Variants in DDX25 observed in about 807,000 individuals in gnomAD.
The protein encoded by DDX25 is ATP-dependent RNA helicase DDX25.
DDX25 carries 70 observed loss-of-function variants against 64.6 expected under a neutral mutation model. That is an observed-to-expected ratio of 1.08 (90% CI 0.89 to 1.32). The LOEUF (loss-of-function observed/expected upper bound fraction) is 1.32. DDX25 is among the 40% of genes most tolerant of loss of function. The pLI, the probability that DDX25 is intolerant of heterozygous loss-of-function variation, is 0.00. For missense variants in DDX25, 587 were observed against 604.4 expected (o/e 0.97, Z 0.30); for synonymous variants, 211 against 213.3 (o/e 0.99, Z 0.09).
chr11:125,920,987 C>T (rs1237149381), intron 10 of DDX25: 7 of 572,958 alleles, frequency 1.2e-5, no homozygotes, highest in Admixed American at 6.0e-5. Flanking sequence ...GTAGCATTCT[C>T]TATGGACACG....
intron 1 of DDX25, 52 bp downstream of exon 1, chr11:125,904,632 C>T (rs1042707256): frequency 4.5e-5 from 64 of 1,422,554 alleles, no homozygotes; most frequent in African/African-American, 5.9e-5. Context: ...AGCTCCCACT[C>T]GCAGAGGGAG....
At chr11:125,919,187 A>G (rs189824666) in intron 10 of DDX25, among the ~76,000 whole-genome samples, 28 of 152,304 alleles carry the variant, frequency 1.8e-4, no homozygotes, top group African/African-American at 6.3e-4. Context: ...TCGTCTGTCC[A>G]CCAGTTGATG....
intron 10 of DDX25, among the ~76,000 whole-genome samples, chr11:125,920,747 C>T (rs1945098962): frequency 1.3e-5 from 2 of 152,118 alleles, no homozygotes; most frequent in Admixed American, 6.5e-5. Context: ...GAGGCAAGGG[C>T]TCAAAAGACC....
Position 125,917,266 on chromosome 11 carries a change from T to C in DDX25, c.1038+15T>C. The C allele has an allele frequency of 6.3e-7, 1 of 1,583,832 alleles. No individual in the cohort carries two copies. The highest frequency in any genetic ancestry group is 8.6e-7 in the Non-Finnish European group (1 of 1,165,172). On this transcript the variant is annotated intron_variant, in intron 9 of 11. Coordinates refer to ENST00000263576, the MANE Select transcript of DDX25 (RefSeq NM_013264.5). ...TCTTCTGCCAGGTACACTCTGTGGA[T>C]GTGTCTTCATCGAGCCCAGATATGC...
At chr11:125,920,919 T>TACACACACACACAC (rs3034729) in intron 10 of DDX25, 5 of 265,286 alleles carry the variant, frequency 1.9e-5, no homozygotes, top group Middle Eastern at 1.2e-3. Context: ...CACACACACA[T>TACACACACACACAC]ACACACACAC....
chr11:125,921,113 C>T lies in DDX25; in HGVS notation c.1202-78C>T, dbSNP rs1945108096. 1.4e-6 allele frequency: 2 copies of T among 1,380,126 alleles called. No homozygotes were observed. The highest frequency in any genetic ancestry group is 1.9e-6 in the Non-Finnish European group (2 of 1,035,564). 85.5% of individuals were successfully genotyped at this position (1,380,126 alleles called of 1,614,324 possible). On this transcript the variant is annotated intron_variant, in intron 10 of 11. Transcript: ENST00000263576. The surrounding 1 kb of genome is among the most constrained non-coding windows in gnomAD (Gnocchi z 4.1). The stretch of plus-strand genomic sequence containing the variant: ...AATTTTCTCTATAAATAGGAATTCC[C>T]TTGGCAGACGTGGTACTTGAATGGC...
chr11:125,904,744 A>T, intron 1 of DDX25, 164 bp downstream of exon 1: 1 of 829,582 alleles, frequency 1.2e-6, no homozygotes, highest in Non-Finnish European at 1.9e-6. Context: ...ACAGAGGGAG[A>T]CCCCGTCCCC....
At position 125,927,684 on chromosome 11, in the gene DDX25, G is replaced by A. The variant is rs547826626; in HGVS notation, c.*4803G>A. On this transcript the variant is annotated 3_prime_UTR_variant, in exon 12 of 12. Coordinates refer to ENST00000263576, the MANE Select transcript of DDX25 (RefSeq NM_013264.5). ...GAAATCTCTGCTTTCTGTTATATTCGGAGGTAACATGTATAGGTCATGTAT... is the reference window on the plus strand; with the variant it reads ...GAAATCTCTGCTTTCTGTTATATTCAGAGGTAACATGTATAGGTCATGTAT... The A allele has an allele frequency of 6.6e-5, 10 of 152,194 alleles. No individual in the cohort carries two copies. Among genetic ancestry groups the A allele is most frequent in the Admixed American group, 2.6e-4 (4 of 15,288 alleles). 9.4% of individuals were successfully genotyped at this position (152,194 alleles called of 1,614,324 possible).
At chr11:125,913,878 A>G (rs1944999848) in intron 8 of DDX25, among the ~76,000 whole-genome samples, 1 of 152,192 alleles carries the variant, frequency 6.6e-6, no homozygotes, top group South Asian at 2.1e-4. Context: ...AAAATGATAT[A>G]AAATAGAAGA....
At position 125,923,010 on chromosome 11, in the gene DDX25, C is replaced by T. The variant is rs1303682764; in HGVS notation, c.*129C>T. On this transcript the variant is annotated 3_prime_UTR_variant, in exon 12 of 12. Coordinates refer to ENST00000263576, the MANE Select transcript of DDX25 (RefSeq NM_013264.5). Reference sequence around the variant, plus strand: ...GTCACAGATGGCAAAATAAATGTCACGGTACTTAGTTTTAAGACATGAGGT... The same window carrying T: ...GTCACAGATGGCAAAATAAATGTCATGGTACTTAGTTTTAAGACATGAGGT... 16 of 762,984 alleles carry T rather than the reference C, an allele frequency of 2.1e-5. No homozygotes were observed. Among genetic ancestry groups the T allele is most frequent in the Admixed American group, 5.8e-5 (2 of 34,378 alleles). 47.3% of individuals were successfully genotyped at this position (762,984 alleles called of 1,614,324 possible). A position where few individuals can be genotyped will look rare whatever the true frequency, so the allele number is the denominator to read the frequency against.
intron 8 of DDX25, 21 bp downstream of exon 8, chr11:125,911,509 C>G (rs1276357378): frequency 1.2e-6 from 2 of 1,607,430 alleles, no homozygotes; most frequent in South Asian, 2.2e-5. Context: ...GAGTCTTCCT[C>G]TCTTCCTCAG....
intron 9 of DDX25, 85 bp from the exon 10 acceptor site, chr11:125,918,543 G>T (rs564898410): frequency 2.9e-6 from 2 of 695,350 alleles, no homozygotes; most frequent in South Asian, 1.8e-5. Flanking sequence ...TCCCACCCCC[G>T]CCCTGCATGC....
chr11:125,918,505 G>A (rs1945068272), intron 9 of DDX25, 123 bp from the exon 10 acceptor site: 2 of 1,305,702 alleles, frequency 1.5e-6, no homozygotes, highest in South Asian at 1.6e-5. Flanking sequence ...CTGAGGGAGA[G>A]GTGAAGCTCA....
intron 11 of DDX25, chr11:125,922,356 C>T (rs986666474): frequency 6.5e-6 from 1 of 154,930 alleles, no homozygotes; most frequent in Non-Finnish European, 1.4e-5. Context: ...GAAGTGCACA[C>T]AGGCACACAC....
chr11:125,911,283 G>A (rs1944964156), intron 7 of DDX25, 28 bp from the exon 8 acceptor site: 3 of 1,585,224 alleles, frequency 1.9e-6, no homozygotes, highest in Non-Finnish European at 2.6e-6. Flanking sequence ...TGCATCTGAA[G>A]GAGTGCTTAA....
In DDX25 at chr11:125,922,967, C is replaced by A; in HGVS notation, c.*86C>A. The A allele has an allele frequency of 1.6e-6, 2 of 1,237,234 alleles. No individual in the cohort carries two copies. Among genetic ancestry groups the A allele is most frequent in the Non-Finnish European group, 2.2e-6 (2 of 892,920 alleles). 76.6% of individuals were successfully genotyped at this position (1,237,234 alleles called of 1,614,324 possible). Reference sequence around the variant, plus strand: ...TGAAGGTAATTTTTTTATGTTGAGGCTTTTTCGACGTGAAACTGTCACAGA... The same window carrying A: ...TGAAGGTAATTTTTTTATGTTGAGGATTTTTCGACGTGAAACTGTCACAGA... On this transcript the variant is annotated 3_prime_UTR_variant, in exon 12 of 12. Transcript: ENST00000263576.
chr11:125,907,410 C>G (rs191714372), intron 4 of DDX25, among the ~76,000 whole-genome samples: 1 of 152,092 alleles, frequency 6.6e-6, no homozygotes, highest in South Asian at 2.1e-4. Context: ...AGATCGAGAC[C>G]ATCCTGGCTA....
In DDX25 at chr11:125,925,166, A is replaced by G. The variant is rs1159042496; in HGVS notation, c.*2285A>G. On this transcript the variant is annotated 3_prime_UTR_variant, in exon 12 of 12. Coordinates refer to ENST00000263576, the MANE Select transcript of DDX25 (RefSeq NM_013264.5). Reference sequence around the variant, plus strand: ...TCGAGTTGGACCTTCCACCGTGCTCAGCTCCGCCTTGGGGTGTCCTAAATA... The same window carrying G: ...TCGAGTTGGACCTTCCACCGTGCTCGGCTCCGCCTTGGGGTGTCCTAAATA... 6.9e-6 allele frequency: 2 copies of G among 289,284 alleles called. No homozygotes were observed. The highest frequency in any genetic ancestry group is 1.4e-5 in the Non-Finnish European group (2 of 143,120). 17.9% of individuals were successfully genotyped at this position (289,284 alleles called of 1,614,324 possible). A position where few individuals can be genotyped will look rare whatever the true frequency, so the allele number is the denominator to read the frequency against.
chr11:125,921,612 C>T lies in DDX25; in HGVS notation c.1390+233C>T, dbSNP rs1945116848. The T allele has an allele frequency of 1.2e-5, 6 of 486,108 alleles. 1 individual carries two copies. Among genetic ancestry groups the T allele is most frequent in the African/African-American group, 1.9e-5 (1 of 51,996 alleles). The allele number at this position is 486,108 out of a possible 1,614,324, so 30.1% of individuals were successfully genotyped here. A position where few individuals can be genotyped will look rare whatever the true frequency, so the allele number is the denominator to read the frequency against. On this transcript the variant is annotated intron_variant, in intron 11 of 11. Coordinates refer to ENST00000263576, the MANE Select transcript of DDX25 (RefSeq NM_013264.5). This position sits in a 1 kb window ranked among gnomAD's most constrained non-coding sequence, Gnocchi z 4.1. ...AAGCAGAATTAATATGAGCTCAGGC[C>T]GGGTGTGGCAGCTCACACCTGTAAT...
Sources: allele counts gnomAD v4.1 joint callset (sites outside exome capture counted in the v4.1 genomes callset), GRCh38; gene constraint gnomAD v4.1.1; non-coding constraint Gnocchi (gnomAD v3.1); transcripts MANE v1.5; gene names NCBI Gene and HGNC (gene_info 2026-07-23, HGNC 2026-07-21).